YJU2B: variants seen among roughly 807,000 people sequenced by gnomAD.
YJU2B encodes YJU2 splicing factor homolog B.
A neutral mutation model predicts 38.0 loss-of-function variants in YJU2B; 18 were observed. The ratio of observed to expected loss-of-function variants is 0.47; its 90% CI spans 0.33 to 0.70. The LOEUF is 0.70. Among genes scored for constraint, YJU2B ranks in the 30% least tolerant of loss-of-function variants. The probability of loss-of-function intolerance (pLI) is 0.02; values close to 1 mark genes in which losing one functional copy is unlikely to be tolerated. For synonymous variants in YJU2B, 246 were observed against 225.4 expected, an observed-to-expected ratio of 1.09 and a Z score of -0.82; for missense variants, 538 against 556.3, an observed-to-expected ratio of 0.97 and a Z score of 0.33.
chr19:13,754,396 C>T lies in YJU2B; in HGVS notation c.57+54C>T, dbSNP rs1221306760. On this transcript the variant is annotated intron_variant, in intron 3 of 9. Coordinates refer to ENST00000221554, the MANE Select transcript of YJU2B (RefSeq NM_030818.4). ...AGTAGCAAAAAGACCCACGTCATCCCCTCTTGGGGTTAGAGCCACTGCTGC... is the reference window on the plus strand; with the variant it reads ...AGTAGCAAAAAGACCCACGTCATCCTCTCTTGGGGTTAGAGCCACTGCTGC... 7 of 1,457,164 alleles carry T rather than the reference C, an allele frequency of 4.8e-6. No individual in the cohort carries two copies. The Admixed American group carries it at 5.0e-5, about 10-fold the overall frequency. The allele number at this position is 1,457,164 out of a possible 1,614,324, so 90.3% of individuals were successfully genotyped here.
At chr19:13,762,210 C>T in intron 8 of YJU2B, 89 bp from the exon 9 acceptor site, 1 of 1,443,240 alleles carries the variant, frequency 6.9e-7, no homozygotes, top group South Asian at 1.3e-5. Flanking sequence ...GTAAATGAGA[C>T]CCCGAGAGTT....
At chr19:13,760,596 TA>T (rs201996394) in intron 8 of YJU2B, among the ~76,000 whole-genome samples, 23 of 151,218 alleles carry the variant, frequency 1.5e-4, no homozygotes, top group South Asian at 6.3e-4. Context: ...TTTATTTATT[TA>T]TTTTTTTTCT....
chr19:13,750,153 C>T (rs868636224), intron 1 of YJU2B, among the ~76,000 whole-genome samples: 9 of 152,266 alleles, frequency 5.9e-5, no homozygotes, highest in East Asian at 3.9e-4. Flanking sequence ...AGACATAAAC[C>T]GACACAGGGT....
chr19:13,749,735 C>T (rs370937767), intron 1 of YJU2B, among the ~76,000 whole-genome samples: 3 of 151,446 alleles, frequency 2.0e-5, no homozygotes, highest in African/African-American at 4.8e-5. Flanking sequence ...CGGGTTCACG[C>T]CATTCTCCTG....
At chr19:13,755,882 C>T (rs1022338191) in intron 3 of YJU2B, among the ~76,000 whole-genome samples, 2 of 152,018 alleles carry the variant, frequency 1.3e-5, no homozygotes, top group Non-Finnish European at 2.9e-5. Context: ...CACTTGAACC[C>T]GGGAGGCAGA....
intron 2 of YJU2B, among the ~76,000 whole-genome samples, chr19:13,737,026 C>CAAAAAA (rs61619895): frequency 3.4e-5 from 4 of 118,000 alleles, no homozygotes; most frequent in Non-Finnish European, 6.9e-5. Context: ...GACTCATTCT[C>CAAAAAA]AAAAAAAAAA....
intron 1 of YJU2B, among the ~76,000 whole-genome samples, chr19:13,750,379 A>G (rs1270960710): frequency 6.6e-6 from 1 of 152,056 alleles, no homozygotes; most frequent in Non-Finnish European, 1.5e-5. Context: ...GGCATGCACC[A>G]TCACACTCGG....
chr19:13,749,507 T>C (rs1392539677), intron 1 of YJU2B, among the ~76,000 whole-genome samples: 1 of 152,220 alleles, frequency 6.6e-6, no homozygotes. Context: ...GCAGAGATAA[T>C]CTGGCCTAAA....
intron 4 of YJU2B, among the ~76,000 whole-genome samples, chr19:13,756,972 T>C (rs937980222): frequency 9.8e-6 from 1 of 102,022 alleles, no homozygotes; most frequent in African/African-American, 4.0e-5. Context: ...CGAGACTCCA[T>C]CTCAAAAAAA....
intron 2 of YJU2B, among the ~76,000 whole-genome samples, chr19:13,737,062 C>G (rs1441506870): frequency 6.6e-6 from 1 of 151,848 alleles, no homozygotes; most frequent in Admixed American, 6.6e-5. Flanking sequence ...GGGTCTCGCT[C>G]TGTCACCCAT....
chr19:13,736,250 CTTTCTTTT>C (rs1191713348), intron 2 of YJU2B, among the ~76,000 whole-genome samples: 2 of 130,268 alleles, frequency 1.5e-5, no homozygotes, highest in East Asian at 2.2e-4. Context: ...GCTTTTCTTT[CTTTCTTTT>C]TTTTTTTTTT....
intron 8 of YJU2B, among the ~76,000 whole-genome samples, chr19:13,761,130 A>G (rs1423308452): frequency 6.6e-6 from 1 of 152,008 alleles, no homozygotes; most frequent in Non-Finnish European, 1.5e-5. Context: ...CTGTAATCCC[A>G]GCACTTTGGG....
upstream of YJU2B, among the ~76,000 whole-genome samples, chr19:13,744,062 G>T (rs185051336): frequency 3.4e-3 from 509 of 149,232 alleles, 1 homozygote; most frequent in Non-Finnish European, 5.6e-3. Flanking sequence ...ATGGTGGCAG[G>T]TGCCTGTAAT....
chr19:13,760,545 A>G (rs1973848656), intron 8 of YJU2B, among the ~76,000 whole-genome samples: 1 of 151,840 alleles, frequency 6.6e-6, no homozygotes, highest in Non-Finnish European at 1.5e-5. Flanking sequence ...GCTCACCCCT[A>G]CCTCACCATG....
intron 8 of YJU2B, 32 bp from the exon 9 acceptor site, chr19:13,762,267 C>G (rs571854814): frequency 2.5e-6 from 4 of 1,609,792 alleles, no homozygotes; most frequent in Non-Finnish European, 3.4e-6. Context: ...TTTGACACCC[C>G]CTATCTCTGG....
chr19:13,748,863 C>G (rs1385519832), intron 1 of YJU2B, among the ~76,000 whole-genome samples: 1 of 152,156 alleles, frequency 6.6e-6, no homozygotes, highest in Non-Finnish European at 1.5e-5. Context: ...TTGGAATAAT[C>G]CAATCTAAAG....
upstream of YJU2B, among the ~76,000 whole-genome samples, chr19:13,743,831 T>G (rs1018834283): frequency 4.7e-5 from 7 of 149,634 alleles, no homozygotes; most frequent in African/African-American, 1.7e-4. Flanking sequence ...AGGTTGAGGT[T>G]GCAGTGAGCC....
intron 1 of YJU2B, among the ~76,000 whole-genome samples, 194 bp from the exon 2 acceptor site, chr19:13,751,413 CA>C (rs1432614845): frequency 6.6e-6 from 1 of 152,002 alleles, no homozygotes; most frequent in Non-Finnish European, 1.5e-5. Flanking sequence ...GACTCCATCT[CA>C]AAAAACAAAA....
rs187364034 is a variant in YJU2B at position 13,739,892 on chromosome 19, C to T, written c.-202+7607C>T. On this transcript the variant is annotated intron_variant, in intron 2 of 10. Transcript: ENST00000586600. Reference sequence around the variant, plus strand: ...ACGTATTTGTCCTAATGCTCTTCCTCCCCTTGGCCCCCATTCCCTGACAGG... The same window carrying T: ...ACGTATTTGTCCTAATGCTCTTCCTTCCCTTGGCCCCCATTCCCTGACAGG... 1.9e-3 allele frequency among the ~76,000 whole-genome samples: 296 copies of T among 152,244 alleles called. 1 individual carries two copies. The highest frequency in any genetic ancestry group is 3.3e-3 in the Admixed American group (50 of 15,272).
Sources: allele counts gnomAD v4.1 joint callset (sites outside exome capture counted in the v4.1 genomes callset), GRCh38; gene constraint gnomAD v4.1.1; transcripts MANE v1.5; gene names NCBI Gene and HGNC (gene_info 2026-07-23, HGNC 2026-07-21).